The following NBPF26 variants were observed in gnomAD, a reference collection of about 807,000 sequenced individuals.
NBPF26 encodes NBPF family member NBPF26.
Under a neutral mutation model 119.6 loss-of-function variants are expected in NBPF26, and 79 were observed. That is an observed-to-expected ratio of 0.66 (90% CI 0.55 to 0.80). NBPF26 has a LOEUF of 0.80. Ranked by LOEUF, NBPF26 falls within the 30% of genes least tolerant of loss-of-function variation. The pLI is 0.00. For synonymous variants in NBPF26, 299 were observed against 457.7 expected (o/e 0.65, Z 4.43); for missense variants, 800 against 1,198.2 (o/e 0.67, Z 4.91).
intron 15 of NBPF26, 109 bp from the exon 16 acceptor site, chr1:120,821,995 G>A (rs1652127830): frequency 8.5e-7 from 1 of 1,170,756 alleles, no homozygotes. Context: ...AATGCCTTTG[G>A]TTTCTGTGAC....
rs1650856484 is a variant in NBPF26 at position 120,729,789 on chromosome 1, T to C, written c.73+5539T>C. ...GTGCATCTGGAGTGTCATCTGGGAA[T>C]TTGTGTGTTCAAGAAATAGCCAGGT... On this transcript the variant is annotated intron_variant, in intron 1 of 29. Transcript: ENST00000620612. 1.7e-5 allele frequency among the ~76,000 whole-genome samples: 2 copies of C among 116,064 alleles called. 1 individual carries two copies. The allele number at this position is 116,064 out of a possible 152,430, so 76.1% of individuals were successfully genotyped here. A position where few individuals can be genotyped will look rare whatever the true frequency, so the allele number is the denominator to read the frequency against.
intron 3 of NBPF26, among the ~76,000 whole-genome samples, chr1:120,790,534 C>CCCTTCCTT (rs1357838637): frequency 1.1e-5 from 1 of 87,626 alleles, no homozygotes; most frequent in East Asian, 2.8e-4. Flanking sequence ...CTTTCTCCCT[C>CCCTTCCTT]CCTTTCTTTC....
chr1:120,823,092 C>A (rs1342928524), intron 16 of NBPF26, among the ~76,000 whole-genome samples: 1 of 118,288 alleles, frequency 8.5e-6, no homozygotes, highest in Admixed American at 8.2e-5. Context: ...GGGAAGATAA[C>A]ATTCCAACAC....
At chr1:120,791,402 G>T (rs1391845600) in intron 3 of NBPF26, among the ~76,000 whole-genome samples, 1 of 108,400 alleles carries the variant, frequency 9.2e-6, no homozygotes, top group Non-Finnish European at 1.7e-5. Context: ...CAGCCCAAAT[G>T]TCCATCAATG....
chr1:120,818,654 A>T (rs1358804099), intron 15 of NBPF26, among the ~76,000 whole-genome samples: 1 of 125,490 alleles, frequency 8.0e-6, no homozygotes, highest in African/African-American at 3.7e-5. Flanking sequence ...ATTGCTTTAA[A>T]TGTGTCCCAG....
rs1231550113 is a variant in NBPF26, at chr1:120,784,995, G to A, written c.177G>A (p.Gly59=). 6.3e-6 allele frequency: 9 copies of A among 1,421,406 alleles called. 1 individual carries two copies. Among genetic ancestry groups the A allele is most frequent in the Middle Eastern group, 1.8e-4 (1 of 5,562 alleles). The allele number at this position is 1,421,406 out of a possible 1,614,324, so 88.0% of individuals were successfully genotyped here. A position where few individuals can be genotyped will look rare whatever the true frequency, so the allele number is the denominator to read the frequency against. The stretch of plus-strand genomic sequence containing the variant: ...ACAGATGTCCAGAAGGCTTCTTGGG[G>A]GAATATTGTCAACATCGAGACCCCT... The change falls in exon 3 of 30, where the codon GGG becomes GGA. Residue 59 remains glycine, a synonymous_variant. Coordinates refer to ENST00000620612, the Ensembl canonical transcript of NBPF26.
At chr1:120,763,991 G>C (rs1340707804) in intron 2 of NBPF26, among the ~76,000 whole-genome samples, 1 of 114,536 alleles carries the variant, frequency 8.7e-6, no homozygotes, top group Non-Finnish European at 1.7e-5. Flanking sequence ...GCTCATGCTG[G>C]TAATCCCAGC....
downstream of NBPF26, among the ~76,000 whole-genome samples, chr1:120,842,228 A>T (rs1204618532): frequency 8.7e-6 from 1 of 114,314 alleles, no homozygotes; most frequent in African/African-American, 4.7e-5. Context: ...TTTATTTTCT[A>T]ATCTCTTCCA....
rs1350407682 is a variant in NBPF26, at chr1:120,817,936, G to T, written c.2372-187G>T. 4.3e-5 allele frequency among the ~76,000 whole-genome samples: 5 copies of T among 115,976 alleles called. 1 individual carries two copies. The highest frequency in any genetic ancestry group is 1.0e-4 in the African/African-American group (2 of 19,578). 76.1% of individuals were successfully genotyped at this position (115,976 alleles called of 152,430 possible). Reference sequence around the variant, plus strand: ...CACATAGAGGGAGATTTTGGCCTGTGGGTCTGGAAAGCAGGGTCATCTAAT... The same window carrying T: ...CACATAGAGGGAGATTTTGGCCTGTTGGTCTGGAAAGCAGGGTCATCTAAT... On this transcript the variant is annotated intron_variant, in intron 14 of 29. Transcript: ENST00000620612.
chr1:120,790,572 C>A lies in NBPF26; in HGVS notation c.416-2589C>A, dbSNP rs1330692353. On this transcript the variant is annotated intron_variant, in intron 3 of 29. Coordinates refer to ENST00000620612, the Ensembl canonical transcript of NBPF26. ...TCTTTCTTTCTTTCTTTCTTTCTTT[C>A]TTTCTTTCTTTCTTTCTTTCTCTTT... Among the ~76,000 whole-genome samples the A allele has an allele frequency of 1.9e-5, 2 of 104,290 alleles. 1 individual carries two copies. Among genetic ancestry groups the A allele is most frequent in the Admixed American group, 1.9e-4 (2 of 10,488 alleles). The allele number at this position is 104,290 out of a possible 152,430, so 68.4% of individuals were successfully genotyped here.
At chr1:120,816,756 A>C (rs1652016208) in exon 14 of NBPF26, 2 of 1,399,434 alleles carry the variant, frequency 1.4e-6, no homozygotes, top group Middle Eastern at 4.8e-4. Flanking sequence ...TTTGAGGAAG[A>C]CAAAGTCGAC....
At position 120,759,794 on chromosome 1, in the gene NBPF26, G is replaced by T. The variant is rs1165740111; in HGVS notation, c.74-3834G>T. ...TAATACAATGTAGAACAATTAAAAG[G>T]TAGTGTATCCTTCATCTCAAATATT... On this transcript the variant is annotated intron_variant, in intron 1 of 29. Transcript: ENST00000620612. Among the ~76,000 whole-genome samples the T allele has an allele frequency of 1.7e-5, 2 of 115,960 alleles. 1 individual carries two copies. The highest frequency in any genetic ancestry group is 3.3e-5 in the Non-Finnish European group (2 of 61,082). The allele number at this position is 115,960 out of a possible 152,430, so 76.1% of individuals were successfully genotyped here.
At chr1:120,805,763 A>G (rs1651666946) in exon 5 of NBPF26, 2 of 1,397,222 alleles carry the variant, frequency 1.4e-6, no homozygotes, top group African/African-American at 4.4e-5. Context: ...CAGAAGAAAT[A>G]CAGTAAGATC....
chr1:120,794,087 G>T, intron 4 of NBPF26, among the ~76,000 whole-genome samples: 1 of 104,292 alleles, frequency 9.6e-6, no homozygotes, highest in Non-Finnish European at 1.8e-5. Context: ...ACTGAGGAGG[G>T]GATCCTCTGT....
chr1:120,788,057 T>G, intron 3 of NBPF26, among the ~76,000 whole-genome samples: 1 of 70,174 alleles, frequency 1.4e-5, no homozygotes, highest in Admixed American at 1.3e-4. Context: ...GCCCAAACCT[T>G]CATTCATCCA....
In NBPF26 at chr1:120,759,795, T is replaced by C. The variant is rs1448053127; in HGVS notation, c.74-3833T>C. On this transcript the variant is annotated intron_variant, in intron 1 of 29. Transcript: ENST00000620612. ...AATACAATGTAGAACAATTAAAAGG[T>C]AGTGTATCCTTCATCTCAAATATTT... Among the ~76,000 whole-genome samples the C allele has an allele frequency of 2.3e-4, 27 of 116,692 alleles. 6 individuals carry two copies. In the South Asian group the frequency reaches 6.6e-3, roughly 29 times the overall value. 76.6% of individuals were successfully genotyped at this position (116,692 alleles called of 152,430 possible).
At chr1:120,823,754 G>GTGTGTGTGTGTGTGTA (rs1652185093) in intron 17 of NBPF26, among the ~76,000 whole-genome samples, 4 of 72,654 alleles carry the variant, frequency 5.5e-5, no homozygotes, top group African/African-American at 2.9e-4. Context: ...AGCTCGCTCT[G>GTGTGTGTGTGTGTGTA]TGTGTGTGTG....
Position 120,811,989 on chromosome 1 carries a change from AT to A in NBPF26, c.1670del (p.Leu557CysfsTer21). 2 of 1,254,680 alleles carry A rather than the reference AT, an allele frequency of 1.6e-6. 1 individual carries two copies. The highest frequency in any genetic ancestry group is 2.2e-6 in the Non-Finnish European group (2 of 913,476). The allele number at this position is 1,254,680 out of a possible 1,614,324, so 77.7% of individuals were successfully genotyped here. ...TAAACATTCTAGAAATCAATGAGAA[AT>A]TGCGCCCCCAGCTGGCAGAGAAGAA... is the stretch of plus-strand genomic sequence containing the variant. On this transcript the variant is annotated frameshift_variant, in exon 10 of 30. Coordinates refer to ENST00000620612, the Ensembl canonical transcript of NBPF26. LOFTEE classifies it high-confidence loss of function.
At chr1:120,730,731 G>A (rs1422137310) in intron 1 of NBPF26, among the ~76,000 whole-genome samples, 1 of 56,596 alleles carries the variant, frequency 1.8e-5, no homozygotes, top group Non-Finnish European at 3.0e-5. Context: ...TTATTAATTT[G>A]TGTATGTAAA....
Sources: allele counts gnomAD v4.1 joint callset (sites outside exome capture counted in the v4.1 genomes callset), GRCh38; gene constraint gnomAD v4.1.1; transcripts MANE v1.5; gene names NCBI Gene and HGNC (gene_info 2026-07-23, HGNC 2026-07-21).